The following MARCHF1 variants were observed in gnomAD, a reference collection of about 807,000 sequenced individuals.
MARCHF1 encodes E3 ubiquitin-protein ligase MARCHF1.
Under a neutral mutation model 54.2 loss-of-function variants are expected in MARCHF1, and 40 were observed. The ratio of observed to expected loss-of-function variants is 0.74; its 90% CI spans 0.57 to 0.96. The LOEUF (loss-of-function observed/expected upper bound fraction) is 0.96, where lower values mean the gene tolerates loss of function less well. MARCHF1 is among the 40% of genes least tolerant of loss of function. MARCHF1 has a pLI of 0.00. For missense variants in MARCHF1, 586 were observed against 656.5 expected, an observed-to-expected ratio of 0.89 and a Z score of 1.17; for synonymous variants, 236 against 236.3, an observed-to-expected ratio of 1.00 and a Z score of 0.01.
At chr4:163,601,530 A>G (rs1266726161) in intron 7 of MARCHF1, among the ~76,000 whole-genome samples, 1 of 152,024 alleles carries the variant, frequency 6.6e-6, no homozygotes, top group Non-Finnish European at 1.5e-5. Context: ...AAGTAGATAA[A>G]CTCTATCTAA....
At chr4:164,152,462 A>G (rs1226506282) in intron 1 of MARCHF1, among the ~76,000 whole-genome samples, 1 of 152,118 alleles carries the variant, frequency 6.6e-6, no homozygotes, top group Admixed American at 6.6e-5. Context: ...TTGATCCTAT[A>G]TATTGTGACA....
chr4:164,064,397 A>T (rs1754684905), intron 2 of MARCHF1, among the ~76,000 whole-genome samples: 1 of 151,956 alleles, frequency 6.6e-6, no homozygotes, highest in Non-Finnish European at 1.5e-5. Context: ...TAGATATTTC[A>T]TTCTTTTTGT....
intron 3 of MARCHF1, among the ~76,000 whole-genome samples, chr4:163,914,928 A>C (rs576379452): frequency 1.3e-5 from 2 of 152,162 alleles, no homozygotes; most frequent in Non-Finnish European, 2.9e-5. Flanking sequence ...CGTGTTTTAT[A>C]AACAGCATGG....
intron 5 of MARCHF1, among the ~76,000 whole-genome samples, chr4:163,665,373 T>C (rs1743496091): frequency 6.6e-6 from 1 of 152,148 alleles, no homozygotes; most frequent in Non-Finnish European, 1.5e-5. Flanking sequence ...CTTCATTAGC[T>C]ATGGCCTACA....
intron 1 of MARCHF1, among the ~76,000 whole-genome samples, chr4:164,351,232 T>C (rs375044010): frequency 6.7e-6 from 1 of 149,570 alleles, no homozygotes; most frequent in South Asian, 2.1e-4. Context: ...CAAAGCAGCC[T>C]GGAAGCTCCA....
intron 5 of MARCHF1, among the ~76,000 whole-genome samples, chr4:163,650,174 TAAA>T (rs575348768): frequency 1.1e-3 from 170 of 152,070 alleles, no homozygotes; most frequent in African/African-American, 3.8e-3. Context: ...AGTTGATATT[TAAA>T]AAGCTGTATG....
chr4:164,180,860 T>C (rs1730813257), intron 1 of MARCHF1, among the ~76,000 whole-genome samples: 13 of 152,166 alleles, frequency 8.5e-5, no homozygotes, highest in Admixed American at 8.5e-4. Flanking sequence ...TTATCTCCAT[T>C]GCTCTAGTCC....
At chr4:163,858,106 G>T (rs970779891) in intron 3 of MARCHF1, among the ~76,000 whole-genome samples, 17 of 97,958 alleles carry the variant, frequency 1.7e-4, no homozygotes, top group Non-Finnish European at 2.5e-4. Context: ...GGGGGTGGGG[G>T]GGGGGGGGCA....
chr4:163,852,317 C>T (rs1425222255), intron 4 of MARCHF1, among the ~76,000 whole-genome samples: 2 of 152,030 alleles, frequency 1.3e-5, no homozygotes, highest in East Asian at 1.9e-4. Context: ...AAAGCCAGTC[C>T]AAAAATTTGC....
At chr4:164,018,547 G>GAT (rs1201113889) in intron 2 of MARCHF1, among the ~76,000 whole-genome samples, 5 of 151,810 alleles carry the variant, frequency 3.3e-5, no homozygotes, top group African/African-American at 1.2e-4. Context: ...CATCAAAGAA[G>GAT]ATATATATTT....
intron 5 of MARCHF1, among the ~76,000 whole-genome samples, chr4:163,615,232 T>C (rs1741473644): frequency 6.6e-6 from 1 of 152,036 alleles, no homozygotes; most frequent in Non-Finnish European, 1.5e-5. Flanking sequence ...AGGAAATTAA[T>C]AAGGAGGTAA....
In MARCHF1 at chr4:164,176,938, T is replaced by TGC. The variant is rs1328105241; in HGVS notation, c.-322-65278_-322-65277dup. ...ATTTGTTATTTATCTGAGTACCTTG[T>TGC]GCGCTCTCTCTCTCTCTCTCTCTCT... On this transcript the variant is annotated intron_variant, in intron 1 of 9. Coordinates refer to ENST00000514618, the MANE Select transcript of MARCHF1 (RefSeq NM_001394959.1). Among the ~76,000 whole-genome samples the TGC allele has an allele frequency of 9.8e-4, 94 of 96,138 alleles. 2 individuals are homozygous for TGC. The Middle Eastern group carries it at 0.028, about 29-fold the overall frequency. 63.1% of individuals were successfully genotyped at this position (96,138 alleles called of 152,430 possible).
chr4:164,220,288 A>C lies in MARCHF1; in HGVS notation c.-322-108626T>G, dbSNP rs572501514. Among the ~76,000 whole-genome samples, 64 of 96,764 alleles carry C rather than the reference A, an allele frequency of 6.6e-4. 1 individual carries two copies. Among genetic ancestry groups the C allele is most frequent in the South Asian group, 6.0e-3 (17 of 2,838 alleles). The allele number at this position is 96,764 out of a possible 152,430, so 63.5% of individuals were successfully genotyped here. ...CATACATATGTATATAATGGAATTC[A>C]TATATATATATGAATATATATAGGA... is the stretch of plus-strand genomic sequence containing the variant. On this transcript the variant is annotated intron_variant, in intron 1 of 9. Coordinates refer to ENST00000514618, the MANE Select transcript of MARCHF1 (RefSeq NM_001394959.1).
intron 1 of MARCHF1, among the ~76,000 whole-genome samples, chr4:164,238,932 C>A (rs528839869): frequency 4.0e-5 from 6 of 151,504 alleles, no homozygotes; most frequent in African/African-American, 1.2e-4. Context: ...AATTGGAGAC[C>A]CTGATAAGGA....
intron 1 of MARCHF1, among the ~76,000 whole-genome samples, chr4:164,280,642 G>T (rs185456388): frequency 2.7e-4 from 41 of 152,088 alleles, no homozygotes; most frequent in African/African-American, 9.9e-4. Flanking sequence ...ATAGAAGGCT[G>T]GTTGGTTTTC....
intron 2 of MARCHF1, among the ~76,000 whole-genome samples, chr4:164,105,858 C>G (rs1165069118): frequency 6.9e-6 from 1 of 145,934 alleles, no homozygotes; most frequent in Non-Finnish European, 1.5e-5. Flanking sequence ...ATTTTCGCAA[C>G]CTACTCATCT....
At position 164,081,761 on chromosome 4, in the gene MARCHF1, C is replaced by T. The variant is rs560102318; in HGVS notation, c.-248+29827G>A. Reference sequence around the variant, plus strand: ...ACACATACACACACAAATACAGAAACCAGATCATTGGTCCTTGTGAGCTCT... The same window carrying T: ...ACACATACACACACAAATACAGAAATCAGATCATTGGTCCTTGTGAGCTCT... On this transcript the variant is annotated intron_variant, in intron 2 of 9. Transcript: ENST00000514618. 2.3e-3 allele frequency among the ~76,000 whole-genome samples: 351 copies of T among 152,130 alleles called. 2 individuals are homozygous for T. The highest frequency in any genetic ancestry group is 8.0e-3 in the African/African-American group (332 of 41,500).
intron 2 of MARCHF1, among the ~76,000 whole-genome samples, chr4:164,096,429 G>A (rs1755413571): frequency 6.6e-6 from 1 of 152,036 alleles, no homozygotes. Flanking sequence ...AGGAAGAAAG[G>A]AAGGAGGGAA....
At chr4:163,765,007 G>T (rs1746933794) in intron 4 of MARCHF1, among the ~76,000 whole-genome samples, 1 of 152,026 alleles carries the variant, frequency 6.6e-6, no homozygotes, top group African/African-American at 2.4e-5. Flanking sequence ...CTGAGCTCTT[G>T]AGGTTTTCTC....
Sources: gnomAD v4.1 joint callset for allele counts (sites outside exome capture counted in the v4.1 genomes callset) on GRCh38, gnomAD v4.1.1 for gene constraint, MANE v1.5 for transcripts, NCBI Gene and HGNC (gene_info 2026-07-23, HGNC 2026-07-21) for gene names.